The following PRKG1 variants were observed in gnomAD, a reference collection of about 807,000 sequenced individuals.
PRKG1 encodes the protein protein kinase cGMP-dependent 1.
Under a neutral mutation model 88.1 loss-of-function variants are expected in PRKG1, and 35 were observed. That is an observed-to-expected ratio of 0.40 (90% CI 0.30 to 0.53). The LOEUF (loss-of-function observed/expected upper bound fraction) is 0.53, where lower values mean the gene tolerates loss of function less well. PRKG1 is among the 20% of genes least tolerant of loss of function. The pLI is 0.59. For synonymous variants in PRKG1, 303 were observed against 292.5 expected (o/e 1.04, Z -0.37); for missense variants, 540 against 839.8 (o/e 0.64, Z 4.41).
At chr10:51,867,901 T>G (rs1841055503) in intron 4 of PRKG1, among the ~76,000 whole-genome samples, 1 of 152,228 alleles carries the variant, frequency 6.6e-6, no homozygotes, top group Non-Finnish European at 1.5e-5. Flanking sequence ...TTTAGTTACA[T>G]TTTATTTAAA....
chr10:51,253,756 C>T (rs1318057401), intron 2 of PRKG1, among the ~76,000 whole-genome samples: 1 of 151,906 alleles, frequency 6.6e-6, no homozygotes. Flanking sequence ...AAGTGCCCAT[C>T]AGGATGGAAA....
At chr10:51,629,279 G>GT (rs1363592453) in intron 3 of PRKG1, among the ~76,000 whole-genome samples, 3 of 152,100 alleles carry the variant, frequency 2.0e-5, no homozygotes, top group Non-Finnish European at 4.4e-5. Context: ...ATGGAAGACA[G>GT]TTTTTCCATG....
intron 5 of PRKG1, among the ~76,000 whole-genome samples, chr10:52,027,194 T>C (rs910790203): frequency 3.3e-5 from 5 of 152,050 alleles, no homozygotes; most frequent in Admixed American, 6.5e-5. Flanking sequence ...AGATAATCAC[T>C]CAAGTGTACT....
intron 3 of PRKG1, among the ~76,000 whole-genome samples, chr10:51,641,251 G>GTTCATGAGT (rs1839792616): frequency 6.6e-6 from 1 of 152,114 alleles, no homozygotes; most frequent in African/African-American, 2.4e-5. Flanking sequence ...GCTCTCAAGA[G>GTTCATGAGT]TTCATGAGTG....
intron 7 of PRKG1, among the ~76,000 whole-genome samples, chr10:52,123,372 A>G (rs1847864176): frequency 6.6e-6 from 1 of 152,134 alleles, no homozygotes; most frequent in Non-Finnish European, 1.5e-5. Context: ...GACAGCACTT[A>G]TAATTTTTCT....
At chr10:51,685,718 CAGA>C (rs1840971162) in intron 3 of PRKG1, among the ~76,000 whole-genome samples, 1 of 152,092 alleles carries the variant, frequency 6.6e-6, no homozygotes, top group Non-Finnish European at 1.5e-5. Context: ...GGGGAAGACA[CAGA>C]AGACTTTCTG....
chr10:51,234,492 C>G (rs1838930685), intron 2 of PRKG1, among the ~76,000 whole-genome samples: 1 of 152,034 alleles, frequency 6.6e-6, no homozygotes, highest in Non-Finnish European at 1.5e-5. Flanking sequence ...TAAAAATCAG[C>G]CTTAGATTTG....
At chr10:51,129,736 A>G (rs1371676147) in intron 1 of PRKG1, among the ~76,000 whole-genome samples, 2 of 152,180 alleles carry the variant, frequency 1.3e-5, no homozygotes, top group Non-Finnish European at 2.9e-5. Context: ...GAAAGCATTG[A>G]ATTTGATGCC....
rs531490656 is a variant in PRKG1 at position 51,721,229 on chromosome 10, A to G, written c.593-83356A>G. Among the ~76,000 whole-genome samples, 200 of 137,780 alleles carry G rather than the reference A, an allele frequency of 1.5e-3. 3 individuals carry two copies. In the East Asian group the frequency reaches 0.031, roughly 21 times the overall value. The allele number at this position is 137,780 out of a possible 152,430, so 90.4% of individuals were successfully genotyped here. A position where few individuals can be genotyped will look rare whatever the true frequency, so the allele number is the denominator to read the frequency against. On this transcript the variant is annotated intron_variant, in intron 3 of 17. Transcript: ENST00000373980. ...AGACCTATTAAAAAAAAAAAAAAAAAAAAGAAAAAAAAAGTAAAACACTTA... is the reference window on the plus strand; with the variant it reads ...AGACCTATTAAAAAAAAAAAAAAAAGAAAGAAAAAAAAAGTAAAACACTTA...
At chr10:52,193,040 T>C (rs1323809243) in intron 9 of PRKG1, among the ~76,000 whole-genome samples, 2 of 152,140 alleles carry the variant, frequency 1.3e-5, no homozygotes, top group Non-Finnish European at 2.9e-5. Flanking sequence ...GTGCAGTAGT[T>C]AAGAGTGACT....
intron 7 of PRKG1, chr10:52,128,440 G>C (rs890278138): frequency 2.0e-6 from 2 of 985,304 alleles, no homozygotes; most frequent in African/African-American, 1.7e-5. Flanking sequence ...CAGAAGAGCC[G>C]ATGTAAATTC....
At chr10:51,964,551 GAGC>G (rs1843522907) in intron 5 of PRKG1, among the ~76,000 whole-genome samples, 1 of 152,160 alleles carries the variant, frequency 6.6e-6, no homozygotes, top group Admixed American at 6.5e-5. Context: ...GAGATTTATG[GAGC>G]AGAAATGTAT....
intron 5 of PRKG1, among the ~76,000 whole-genome samples, chr10:52,038,342 G>T (rs918058748): frequency 8.6e-5 from 13 of 151,794 alleles, no homozygotes; most frequent in Non-Finnish European, 1.5e-4. Flanking sequence ...AGAGGTTGGG[G>T]CGCAGAGATA....
intron 1 of PRKG1, among the ~76,000 whole-genome samples, chr10:50,994,184 G>A (rs1439376352): frequency 1.3e-5 from 2 of 152,054 alleles, no homozygotes; most frequent in African/African-American, 4.8e-5. Flanking sequence ...TATGGGGAGA[G>A]TAAACATTAG....
rs149310474 is a variant in PRKG1, at chr10:51,249,292, G to A, written c.478+95962G>A. ...ATGGACCCAAATCACTGGACATTAA[G>A]CAACGCATATATTATAGAATTATCA... On this transcript the variant is annotated intron_variant, in intron 2 of 17. Coordinates refer to ENST00000373980, the MANE Select transcript of PRKG1 (RefSeq NM_006258.4). Among the ~76,000 whole-genome samples, 679 of 151,964 alleles carry A rather than the reference G, an allele frequency of 4.5e-3. 6 individuals are homozygous for A. The highest frequency in any genetic ancestry group is 7.0e-3 in the Non-Finnish European group (474 of 67,838).
intron 3 of PRKG1, among the ~76,000 whole-genome samples, chr10:51,743,634 T>TA (rs1837492611): frequency 3.1e-5 from 4 of 127,254 alleles, no homozygotes; most frequent in East Asian, 2.1e-4. Context: ...TTAATTTATT[T>TA]TATATATATA....
At chr10:52,153,415 A>G (rs74135181) in intron 8 of PRKG1, among the ~76,000 whole-genome samples, 8,243 of 152,298 alleles carry the variant, frequency 0.054, 735 homozygotes, top group African/African-American at 0.19. Context: ...CTTGTCTACC[A>G]TCATAACAAA....
intron 3 of PRKG1, among the ~76,000 whole-genome samples, chr10:51,680,553 C>G (rs908940260): frequency 1.3e-5 from 2 of 152,236 alleles, no homozygotes; most frequent in Non-Finnish European, 2.9e-5. Flanking sequence ...AACATCTTGT[C>G]TCATACAAGT....
At chr10:51,451,253 T>C (rs1839430570) in intron 2 of PRKG1, among the ~76,000 whole-genome samples, 1 of 148,564 alleles carries the variant, frequency 6.7e-6, no homozygotes, top group Admixed American at 6.8e-5. Flanking sequence ...TTTAAAGCTA[T>C]TTGCAACAAT....
Sources: allele counts gnomAD v4.1 joint callset (sites outside exome capture counted in the v4.1 genomes callset), GRCh38; gene constraint gnomAD v4.1.1; transcripts MANE v1.5; gene names NCBI Gene and HGNC (gene_info 2026-07-23, HGNC 2026-07-21).